IDO2: variants seen among roughly 807,000 people sequenced by gnomAD.
IDO2 encodes indoleamine 2,3-dioxygenase 2.
IDO2 carries 46 observed loss-of-function variants against 45.1 expected under a neutral mutation model. The observed-to-expected ratio is 1.02, with a 90% confidence interval of 0.80 to 1.30. The LOEUF (loss-of-function observed/expected upper bound fraction) is 1.30, where lower values mean the gene tolerates loss of function less well. IDO2 is among the 50% of genes most tolerant of loss of function. The pLI, the probability that IDO2 is intolerant of heterozygous loss-of-function variation, is 0.00. For synonymous variants in IDO2, 218 were observed against 184.9 expected (o/e 1.18, Z -1.45); for missense variants, 544 against 491.8 (o/e 1.11, Z -1.00).
chr8:39,939,546 C>CAAAA lies in IDO2; in HGVS notation c.-18+4351_-18+4354dup, dbSNP rs55892879. ...TGAACGACAGGGCGAGACTCTGTCT[C>CAAAA]AAAAAAAAAAAAAAAAAAAAAAAAA... On this transcript the variant is annotated intron_variant, in intron 1 of 10. Coordinates refer to ENST00000502986, the Ensembl canonical transcript of IDO2. Among the ~76,000 whole-genome samples the CAAAA allele has an allele frequency of 2.3e-3, 164 of 71,262 alleles. 2 individuals carry two copies. The highest frequency in any genetic ancestry group is 3.5e-3 in the Non-Finnish European group (144 of 40,982). The allele number at this position is 71,262 out of a possible 152,430, so 46.8% of individuals were successfully genotyped here.
At chr8:39,997,245 A>G (rs1802059796) in intron 8 of IDO2, among the ~76,000 whole-genome samples, 2 of 152,234 alleles carry the variant, frequency 1.3e-5, no homozygotes, top group Admixed American at 6.5e-5. Context: ...ATGACTCAAT[A>G]TGAAAATAAG....
At position 40,005,323 on chromosome 8, in the gene IDO2, C is replaced by T. The variant is rs971057803; in HGVS notation, c.668-4C>T. On this transcript the variant is annotated splice_polypyrimidine_tract_variant and splice_region_variant and intron_variant, in intron 8 of 10. Coordinates refer to ENST00000502986, the Ensembl canonical transcript of IDO2. ...TAAAGTTCACATTTTGATTGCTTCT[C>T]CAGATTATGTAGATCCAGACATATT... is the stretch of plus-strand genomic sequence containing the variant. 5 of 1,568,270 alleles carry T rather than the reference C, an allele frequency of 3.2e-6. No individual in the cohort carries two copies. In the Admixed American group the frequency reaches 8.7e-5, roughly 27 times the overall value.
At chr8:39,973,180 A>G (rs1808205605) in intron 3 of IDO2, among the ~76,000 whole-genome samples, 1 of 152,210 alleles carries the variant, frequency 6.6e-6, no homozygotes, top group Non-Finnish European at 1.5e-5. Flanking sequence ...TAGAATTAAT[A>G]AGTGCCACTG....
chr8:40,010,330 C>G (rs991272164), intron 9 of IDO2, among the ~76,000 whole-genome samples: 7 of 152,018 alleles, frequency 4.6e-5, no homozygotes, highest in African/African-American at 1.7e-4. Flanking sequence ...CTGCAGGAAG[C>G]CAGCAGGGCC....
chr8:40,002,760 A>G (rs1802159305), intron 8 of IDO2, among the ~76,000 whole-genome samples: 1 of 152,034 alleles, frequency 6.6e-6, no homozygotes, highest in Non-Finnish European at 1.5e-5. Flanking sequence ...AGCCTGGGTG[A>G]CAGAGTGAGG....
At chr8:39,988,129 A>G (rs1371495254) in intron 7 of IDO2, among the ~76,000 whole-genome samples, 159 bp downstream of exon 7, 2 of 152,202 alleles carry the variant, frequency 1.3e-5, no homozygotes, top group African/African-American at 4.8e-5. Flanking sequence ...CTAGGCCACC[A>G]TATTTGCTCC....
At chr8:40,014,420 A>T (rs187364657) in intron 10 of IDO2, among the ~76,000 whole-genome samples, 2 of 152,198 alleles carry the variant, frequency 1.3e-5, no homozygotes, top group African/African-American at 4.8e-5. Flanking sequence ...TATTGATTTG[A>T]TTTTTAAATC....
rs571635510 is a variant in IDO2 at position 39,964,402 on chromosome 8, G to A, written c.195+699G>A. Among the ~76,000 whole-genome samples the A allele has an allele frequency of 3.3e-5, 5 of 152,232 alleles. No homozygotes were observed. In the South Asian group the frequency reaches 1.0e-3, roughly 32 times the overall value. The stretch of plus-strand genomic sequence containing the variant: ...TGGGAAGTAAATCACTTTCAAAGTG[G>A]CCCTTTTGTAGTTCTTGTCCTATAA... On this transcript the variant is annotated intron_variant, in intron 3 of 10. Coordinates refer to ENST00000502986, the Ensembl canonical transcript of IDO2.
chr8:39,976,188 G>A (rs141659942), intron 3 of IDO2, among the ~76,000 whole-genome samples: 381 of 152,078 alleles, frequency 2.5e-3, no homozygotes, highest in African/African-American at 8.7e-3. Flanking sequence ...CATGTTGGCC[G>A]CTTGTCTCAA....
chr8:39,993,190 T>C (rs957393541), intron 8 of IDO2, among the ~76,000 whole-genome samples: 1 of 152,174 alleles, frequency 6.6e-6, no homozygotes, highest in Non-Finnish European at 1.5e-5. Context: ...TTAAACTATT[T>C]TCAGACTTTC....
At chr8:39,970,843 T>C (rs1054158991) in intron 3 of IDO2, among the ~76,000 whole-genome samples, 13 of 147,274 alleles carry the variant, frequency 8.8e-5, no homozygotes, top group Non-Finnish European at 1.9e-4. Flanking sequence ...CTCAGCTCAC[T>C]GCAATCTCTG....
At chr8:39,938,479 A>G (rs1015867979) in intron 1 of IDO2, among the ~76,000 whole-genome samples, 6 of 152,174 alleles carry the variant, frequency 3.9e-5, no homozygotes, top group African/African-American at 1.4e-4. Context: ...TGCTATGACC[A>G]TAAAACTATT....
chr8:40,012,007 A>T lies in IDO2; in HGVS notation c.720-1558A>T, dbSNP rs113394910. ...AATTGCGGAGGCCACTGTGCTGTTT[A>T]TCCAGTGAAAGCTGTAGCACAGCCA... On this transcript the variant is annotated intron_variant, in intron 9 of 10. Transcript: ENST00000502986. Among the ~76,000 whole-genome samples the T allele has an allele frequency of 6.6e-3, 1,000 of 152,258 alleles. 11 individuals are homozygous for T. Among genetic ancestry groups the T allele is most frequent in the African/African-American group, 0.023 (962 of 41,558 alleles).
intron 4 of IDO2, among the ~76,000 whole-genome samples, chr8:39,979,928 C>A (rs559309496): frequency 6.6e-6 from 1 of 152,080 alleles, no homozygotes; most frequent in Non-Finnish European, 1.5e-5. Flanking sequence ...CTCAAGCAAC[C>A]CTCCCACCTC....
intron 8 of IDO2, among the ~76,000 whole-genome samples, chr8:39,992,837 C>G (rs180729991): frequency 6.6e-6 from 1 of 152,134 alleles, no homozygotes; most frequent in Admixed American, 6.5e-5. Flanking sequence ...TTTCCAGGCA[C>G]GTAGAGCCCT....
At chr8:39,956,929 G>A (rs977848630) in intron 2 of IDO2, among the ~76,000 whole-genome samples, 9 of 149,946 alleles carry the variant, frequency 6.0e-5, no homozygotes, top group Non-Finnish European at 1.0e-4. Flanking sequence ...TGTAGTCCCA[G>A]CTATTTGGGA....
rs374597777 is a variant in IDO2, at chr8:39,975,487, T to A, written c.196-3580T>A. ...AAAAAACAATGTTCAACAGACATTT[T>A]GTGGAATAGAAGACACAAGTTCCCA... On this transcript the variant is annotated intron_variant, in intron 3 of 10. Coordinates refer to ENST00000502986, the Ensembl canonical transcript of IDO2. 2.2e-3 allele frequency among the ~76,000 whole-genome samples: 333 copies of A among 152,306 alleles called. 1 individual carries two copies. Among genetic ancestry groups the A allele is most frequent in the African/African-American group, 7.7e-3 (320 of 41,560 alleles).
At chr8:39,985,222 C>A (rs866222352) in intron 5 of IDO2, 8 of 461,740 alleles carry the variant, frequency 1.7e-5, no homozygotes, top group Middle Eastern at 1.2e-3. Context: ...AGCCACTGTG[C>A]CCAGCCTAAT....
chr8:39,961,471 T>C (rs1452083577), intron 2 of IDO2, among the ~76,000 whole-genome samples: 1 of 151,908 alleles, frequency 6.6e-6, no homozygotes, highest in Non-Finnish European at 1.5e-5. Context: ...TACAGGCATG[T>C]GCCAACACGC....
Sources: gnomAD v4.1 joint callset for allele counts (sites outside exome capture counted in the v4.1 genomes callset) on GRCh38, gnomAD v4.1.1 for gene constraint, MANE v1.5 for transcripts, NCBI Gene and HGNC (gene_info 2026-07-23, HGNC 2026-07-21) for gene names.